The following SRPK2 variants were observed in gnomAD, a reference collection of about 807,000 sequenced individuals.
The protein encoded by SRPK2 is SFRS protein kinase 2.
SRPK2 carries 21 observed loss-of-function variants against 90.8 expected under a neutral mutation model. The ratio of observed to expected loss-of-function variants is 0.23; its 90% CI spans 0.16 to 0.33. The LOEUF is 0.33. SRPK2 is among the 10% of genes least tolerant of loss of function. The pLI is 1.00. For missense variants in SRPK2, 620 were observed against 869.0 expected (o/e 0.71, Z 3.60); for synonymous variants, 288 against 311.1 (o/e 0.93, Z 0.78).
intron 2 of SRPK2, among the ~76,000 whole-genome samples, chr7:105,361,907 T>C (rs537214841): frequency 5.9e-5 from 9 of 152,206 alleles, no homozygotes; most frequent in South Asian, 2.1e-4. Context: ...ATTCAGGACA[T>C]AGGCATGGGC....
chr7:105,270,557 G>A (rs924506587), intron 2 of SRPK2, among the ~76,000 whole-genome samples: 3 of 151,956 alleles, frequency 2.0e-5, no homozygotes, highest in South Asian at 2.1e-4. Context: ...ACAGGCGCCC[G>A]CCACCATACC....
intron 2 of SRPK2, among the ~76,000 whole-genome samples, chr7:105,349,554 A>G (rs2132035899): frequency 6.6e-6 from 1 of 150,888 alleles, no homozygotes; most frequent in East Asian, 2.0e-4. Flanking sequence ...AGGAAAAGAG[A>G]GTAATAACAT....
At chr7:105,172,923 C>A (rs1190172666) in intron 3 of SRPK2, among the ~76,000 whole-genome samples, 6 of 152,122 alleles carry the variant, frequency 3.9e-5, no homozygotes, top group Non-Finnish European at 8.8e-5. Context: ...CTCAATTAGC[C>A]GAAGTGTATA....
upstream of SRPK2, chr7:105,389,478 C>A: frequency 9.1e-7 from 1 of 1,104,498 alleles, no homozygotes; most frequent in East Asian, 9.7e-5. Flanking sequence ...CATTTTCTCT[C>A]CCACCTCTAA....
intron 3 of SRPK2, among the ~76,000 whole-genome samples, chr7:105,191,408 A>G (rs184340996): frequency 6.6e-6 from 1 of 152,074 alleles, no homozygotes; most frequent in East Asian, 1.9e-4. Context: ...TGTCTCTACA[A>G]AAAAATTTAA....
intron 2 of SRPK2, among the ~76,000 whole-genome samples, chr7:105,382,149 C>T (rs899629880): frequency 1.5e-5 from 2 of 132,962 alleles, no homozygotes; most frequent in South Asian, 2.8e-4. Flanking sequence ...GCCTGGGCGA[C>T]AGAGCAAGAT....
At chr7:105,225,797 T>TA (rs11389839) in intron 2 of SRPK2, among the ~76,000 whole-genome samples, 148,348 of 148,910 alleles carry the variant, frequency 1, 73,894 homozygotes, top group Middle Eastern at 1. Flanking sequence ...AACTTACACT[T>TA]AAAAAAAAAA....
intron 2 of SRPK2, among the ~76,000 whole-genome samples, chr7:105,209,789 G>C (rs547697122): frequency 6.6e-6 from 1 of 151,968 alleles, no homozygotes; most frequent in Non-Finnish European, 1.5e-5. Context: ...TCAGTGATGG[G>C]AATGAAATTA....
At chr7:105,282,895 T>TA (rs34535552) in intron 2 of SRPK2, among the ~76,000 whole-genome samples, 64,534 of 148,684 alleles carry the variant, frequency 0.43, 15,220 homozygotes, top group Non-Finnish European at 0.53. Flanking sequence ...ACGTAACTGA[T>TA]AAAAAAAAAA....
At chr7:105,184,278 C>T (rs1793287951) in intron 3 of SRPK2, among the ~76,000 whole-genome samples, 1 of 152,146 alleles carries the variant, frequency 6.6e-6, no homozygotes, top group African/African-American at 2.4e-5. Context: ...CACACCTGGT[C>T]TATTACTAAT....
At chr7:105,188,146 C>T (rs1793825776) in intron 3 of SRPK2, among the ~76,000 whole-genome samples, 1 of 152,186 alleles carries the variant, frequency 6.6e-6, no homozygotes. Flanking sequence ...TGCTGTGATA[C>T]ATCCAGAAAA....
At chr7:105,169,563 C>A (rs923964876) in intron 3 of SRPK2, among the ~76,000 whole-genome samples, 9 of 151,974 alleles carry the variant, frequency 5.9e-5, no homozygotes, top group African/African-American at 2.2e-4. Context: ...CCAGTCTCTA[C>A]GAAAAATACA....
chr7:105,232,717 TAAA>T (rs34306095), intron 2 of SRPK2, among the ~76,000 whole-genome samples: 3 of 150,348 alleles, frequency 2.0e-5, no homozygotes, highest in Non-Finnish European at 4.4e-5. Flanking sequence ...ACAATAATAA[TAAA>T]AAAAAAAAAG....
chr7:105,149,049 TGA>T (rs1562989086), intron 7 of SRPK2, among the ~76,000 whole-genome samples: 1 of 152,194 alleles, frequency 6.6e-6, no homozygotes, highest in Non-Finnish European at 1.5e-5. Flanking sequence ...CCTCGTGGGA[TGA>T]GAAAGACCTG....
chr7:105,265,510 T>C (rs1456424680), intron 2 of SRPK2, among the ~76,000 whole-genome samples: 1 of 152,104 alleles, frequency 6.6e-6, no homozygotes, highest in African/African-American at 2.4e-5. Flanking sequence ...TACACCTTTT[T>C]AGCTATTATG....
chr7:105,157,497 C>G (rs552277238), intron 7 of SRPK2, among the ~76,000 whole-genome samples: 3 of 152,290 alleles, frequency 2.0e-5, no homozygotes, highest in African/African-American at 7.2e-5. Context: ...AGATTATTAA[C>G]TGGAGTATGT....
chr7:105,301,643 C>T, intron 2 of SRPK2: 2 of 1,611,318 alleles, frequency 1.2e-6, no homozygotes, highest in Non-Finnish European at 1.7e-6. Flanking sequence ...AATGGTGATC[C>T]CAAAGCCTTC....
intron 2 of SRPK2, among the ~76,000 whole-genome samples, chr7:105,245,149 G>C (rs1801463544): frequency 6.6e-6 from 1 of 151,528 alleles, no homozygotes; most frequent in Non-Finnish European, 1.5e-5. Context: ...TGTGTCTATA[G>C]GCCAAAGAAC....
At chr7:105,245,503 C>T (rs374062890) in intron 2 of SRPK2, among the ~76,000 whole-genome samples, 2 of 152,020 alleles carry the variant, frequency 1.3e-5, no homozygotes, top group East Asian at 3.9e-4. Context: ...GGGGATGATG[C>T]AAAGGGCGGA....
Sources: allele counts gnomAD v4.1 joint callset (sites outside exome capture counted in the v4.1 genomes callset), GRCh38; gene constraint gnomAD v4.1.1; transcripts MANE v1.5; gene names NCBI Gene and HGNC (gene_info 2026-07-23, HGNC 2026-07-21).